SCFD2: variants seen among roughly 807,000 people sequenced by gnomAD.
SCFD2 encodes the protein sec1 family domain containing 2.
A neutral mutation model predicts 58.9 loss-of-function variants in SCFD2; 54 were observed. The ratio of observed to expected loss-of-function variants is 0.92; its 90% CI spans 0.74 to 1.15. The LOEUF (loss-of-function observed/expected upper bound fraction) is 1.15, where lower values mean the gene tolerates loss of function less well. Among genes scored for constraint, SCFD2 ranks in the 50% most tolerant of loss-of-function variants. The pLI is 0.00. For missense variants in SCFD2, 805 were observed against 836.6 expected (o/e 0.96, Z 0.47); for synonymous variants, 321 against 335.9 (o/e 0.96, Z 0.49).
intron 5 of SCFD2, among the ~76,000 whole-genome samples, chr4:53,022,975 G>C (rs1270494477): frequency 6.6e-6 from 1 of 152,040 alleles, no homozygotes. Flanking sequence ...GCTTCTACAG[G>C]CATTTTGAAA....
At chr4:53,170,611 G>A (rs969102517) in intron 4 of SCFD2, among the ~76,000 whole-genome samples, 2 of 152,116 alleles carry the variant, frequency 1.3e-5, no homozygotes, top group African/African-American at 4.8e-5. Context: ...TGAATCTGTA[G>A]ATTGCCTTGG....
At chr4:52,931,520 C>A (rs919078329) in intron 5 of SCFD2, among the ~76,000 whole-genome samples, 1 of 152,212 alleles carries the variant, frequency 6.6e-6, no homozygotes, top group Non-Finnish European at 1.5e-5. Context: ...CCACCACCCC[C>A]CTCCGCCTCC....
intron 5 of SCFD2, among the ~76,000 whole-genome samples, chr4:53,039,299 T>C (rs779498268): frequency 6.6e-6 from 1 of 152,190 alleles, no homozygotes; most frequent in Admixed American, 6.5e-5. Flanking sequence ...CTTTGTTCTC[T>C]ACTCTCTTAT....
chr4:53,056,697 A>G (rs1723350535), intron 5 of SCFD2, among the ~76,000 whole-genome samples: 1 of 152,116 alleles, frequency 6.6e-6, no homozygotes, highest in African/African-American at 2.4e-5. Flanking sequence ...CTAGTAAAGC[A>G]CCACTTTTAG....
chr4:53,273,941 G>C lies in SCFD2; in HGVS notation c.1196C>G (p.Ala399Gly). 14 of 1,613,906 alleles carry C rather than the reference G, an allele frequency of 8.7e-6. No individual in the cohort carries two copies. The highest frequency in any genetic ancestry group is 1.0e-5 in the Non-Finnish European group (12 of 1,179,864). Residue 399 changes from alanine to glycine, a missense_variant, in exon 4 of 9, where the codon GCT (alanine) becomes GGT (glycine). This residue lies in a region of SCFD2 where 633 missense variants were observed against 646.8 expected (regional missense o/e 0.98). Coordinates refer to ENST00000401642, the MANE Select transcript of SCFD2 (RefSeq NM_152540.4). Reference sequence around the variant, plus strand: ...GAGGAGGCCACAATGATTCATTAGAGCTTTGAGGTTGTTCTTGAAGAGCTG... The same window carrying C: ...GAGGAGGCCACAATGATTCATTAGACCTTTGAGGTTGTTCTTGAAGAGCTG... Reference protein sequence around the residue: ...YIQLFKNNLKALMNHCGLLQL... With the variant: ...YIQLFKNNLKGLMNHCGLLQL...
At position 53,012,834 on chromosome 4, in the gene SCFD2, G is replaced by GTTT. The variant is rs5858199; in HGVS notation, c.1562-91965_1562-91964insAAA. Reference sequence around the variant, plus strand: ...CCTTTCTGTGTGTGTGTGTGTGTGTGTGTTTTTTTTTAAGAGAGAGAAAGC... The same window carrying GTTT: ...CCTTTCTGTGTGTGTGTGTGTGTGTGTTTTGTTTTTTTTTAAGAGAGAGAAAGC... On this transcript the variant is annotated intron_variant, in intron 5 of 8. Transcript: ENST00000401642. 1.8e-3 allele frequency among the ~76,000 whole-genome samples: 242 copies of GTTT among 134,576 alleles called. 2 individuals are homozygous for GTTT. Among genetic ancestry groups the GTTT allele is most frequent in the East Asian group, 0.017 (81 of 4,880 alleles). The allele number at this position is 134,576 out of a possible 152,430, so 88.3% of individuals were successfully genotyped here. A position where few individuals can be genotyped will look rare whatever the true frequency, so the allele number is the denominator to read the frequency against.
At chr4:53,280,194 T>C (rs1463767159) in intron 3 of SCFD2, among the ~76,000 whole-genome samples, 1 of 152,214 alleles carries the variant, frequency 6.6e-6, no homozygotes, top group East Asian at 1.9e-4. Flanking sequence ...AAAACTGTTA[T>C]GATGGGAAAG....
intron 5 of SCFD2, among the ~76,000 whole-genome samples, chr4:52,930,777 C>T (rs1462855070): frequency 6.6e-6 from 1 of 152,088 alleles, no homozygotes; most frequent in Admixed American, 6.5e-5. Flanking sequence ...ATTAAGTTGT[C>T]TATTAAATCA....
intron 5 of SCFD2, among the ~76,000 whole-genome samples, chr4:53,102,139 G>T (rs566669448): frequency 1.3e-5 from 2 of 152,150 alleles, no homozygotes; most frequent in East Asian, 3.8e-4. Flanking sequence ...ATATGATACA[G>T]GTGCAACTCA....
At chr4:53,279,227 C>A (rs1367660631) in intron 3 of SCFD2, among the ~76,000 whole-genome samples, 1 of 152,172 alleles carries the variant, frequency 6.6e-6, no homozygotes, top group Non-Finnish European at 1.5e-5. Context: ...CATATTAAGA[C>A]TGCATAAATA....
chr4:52,929,385 A>G (rs569554569), intron 5 of SCFD2, among the ~76,000 whole-genome samples: 3 of 152,336 alleles, frequency 2.0e-5, no homozygotes, highest in African/African-American at 7.2e-5. Flanking sequence ...TACTTTCTAA[A>G]GCCTCCAGCA....
chr4:53,312,219 A>C (rs1732713830), intron 3 of SCFD2, among the ~76,000 whole-genome samples: 1 of 152,170 alleles, frequency 6.6e-6, no homozygotes, highest in East Asian at 1.9e-4. Context: ...ATGACAGTTC[A>C]TTTATTAATT....
intron 5 of SCFD2, among the ~76,000 whole-genome samples, chr4:52,946,356 A>C (rs530761578): frequency 6.6e-6 from 1 of 152,314 alleles, no homozygotes; most frequent in East Asian, 1.9e-4. Flanking sequence ...AAAAATAAAT[A>C]TATAGAGTAC....
At chr4:52,969,007 C>T (rs1033399694) in intron 5 of SCFD2, among the ~76,000 whole-genome samples, 1 of 152,168 alleles carries the variant, frequency 6.6e-6, no homozygotes, top group African/African-American at 2.4e-5. Context: ...ATCTGATCAT[C>T]CTTGACATCT....
At chr4:53,042,776 C>T (rs1722932456) in intron 5 of SCFD2, among the ~76,000 whole-genome samples, 1 of 151,930 alleles carries the variant, frequency 6.6e-6, no homozygotes, top group Admixed American at 6.6e-5. Flanking sequence ...AGTGAAGTAA[C>T]AAAACGGAGC....
intron 4 of SCFD2, among the ~76,000 whole-genome samples, chr4:53,250,054 C>A (rs575019026): frequency 1.3e-5 from 2 of 152,156 alleles, no homozygotes; most frequent in South Asian, 2.1e-4. Context: ...TTCAGGAAAC[C>A]CATCTCACAT....
At chr4:53,262,397 T>C (rs1199928105) in intron 4 of SCFD2, among the ~76,000 whole-genome samples, 2 of 152,204 alleles carry the variant, frequency 1.3e-5, no homozygotes, top group Non-Finnish European at 2.9e-5. Flanking sequence ...ATCACAAAAA[T>C]TTGTTTCAAG....
intron 4 of SCFD2, among the ~76,000 whole-genome samples, chr4:53,191,647 C>T (rs2148958451): frequency 6.6e-6 from 1 of 152,272 alleles, no homozygotes; most frequent in East Asian, 1.9e-4. Context: ...CCTCGTGATC[C>T]ACCTGCCTCG....
At position 53,058,861 on chromosome 4, in the gene SCFD2, A is replaced by T. The variant is rs187282896; in HGVS notation, c.1561+86472T>A. Among the ~76,000 whole-genome samples the T allele has an allele frequency of 2.0e-5, 3 of 152,276 alleles. No individual in the cohort carries two copies. The East Asian group carries it at 5.8e-4, about 29-fold the overall frequency. The stretch of plus-strand genomic sequence containing the variant: ...CAGTAAAAACAGGTACCACAAAGAA[A>T]ATACGACAGGAGATATACTTGATGC... On this transcript the variant is annotated intron_variant, in intron 5 of 8. Transcript: ENST00000401642.
Sources: allele counts gnomAD v4.1 joint callset (sites outside exome capture counted in the v4.1 genomes callset), GRCh38; gene constraint gnomAD v4.1.1; regional missense constraint gnomAD v4.1.1; transcripts MANE v1.5; gene names NCBI Gene and HGNC (gene_info 2026-07-23, HGNC 2026-07-21).